Variants in CWC27 observed in about 807,000 individuals in gnomAD.
CWC27 encodes spliceosome-associated protein CWC27 homolog.
In CWC27, 47 loss-of-function variants were observed where a neutral mutation model predicts 63.6. The observed-to-expected ratio is 0.74, with a 90% CI of 0.58 to 0.94. CWC27 has a LOEUF of 0.94. Ranked by LOEUF, CWC27 falls within the 40% of genes least tolerant of loss-of-function variation. The pLI is 0.00. For synonymous variants in CWC27, 175 were observed against 179.8 expected, an observed-to-expected ratio of 0.97 and a Z score of 0.22; for missense variants, 495 against 554.3, an observed-to-expected ratio of 0.89 and a Z score of 1.07.
chr5:64,826,558 C>T (rs1745365556), intron 10 of CWC27, among the ~76,000 whole-genome samples: 1 of 152,110 alleles, frequency 6.6e-6, no homozygotes, highest in East Asian at 1.9e-4. Context: ...TACCTAGAAA[C>T]TTGCAAATTT....
chr5:64,807,403 TCTC>T (rs1561416201), intron 10 of CWC27, among the ~76,000 whole-genome samples: 1 of 152,194 alleles, frequency 6.6e-6, no homozygotes, highest in Non-Finnish European at 1.5e-5. Context: ...AGTAGGATCT[TCTC>T]CTAGTAATGT....
chr5:64,852,522 A>G (rs1053778293), intron 10 of CWC27, among the ~76,000 whole-genome samples: 1 of 150,940 alleles, frequency 6.6e-6, no homozygotes, highest in Non-Finnish European at 1.5e-5. Context: ...CAGAGGCTGG[A>G]GTGCAGCGGC....
chr5:64,988,016 C>A (rs1392263330), intron 13 of CWC27, among the ~76,000 whole-genome samples: 1 of 152,062 alleles, frequency 6.6e-6, no homozygotes, highest in East Asian at 1.9e-4. Context: ...TTATTTTATC[C>A]TCAACACATT....
intron 11 of CWC27, among the ~76,000 whole-genome samples, chr5:64,920,001 G>A (rs1162087191): frequency 6.6e-6 from 1 of 152,188 alleles, no homozygotes; most frequent in African/African-American, 2.4e-5. Flanking sequence ...TTTCCACAGT[G>A]GCCGAACTAA....
At chr5:64,964,298 T>C (rs1213142436) in intron 11 of CWC27, among the ~76,000 whole-genome samples, 2 of 152,226 alleles carry the variant, frequency 1.3e-5, no homozygotes, top group Non-Finnish European at 1.5e-5. Context: ...CAAAATGATA[T>C]GTCTGAGAGG....
At chr5:64,831,898 C>G (rs146186225) in intron 10 of CWC27, among the ~76,000 whole-genome samples, 2,482 of 151,934 alleles carry the variant, frequency 0.016, 35 homozygotes, top group Non-Finnish European at 0.023. Flanking sequence ...TTTATTCACT[C>G]TGTTGTATGT....
At chr5:64,809,515 G>T (rs531711233) in intron 10 of CWC27, among the ~76,000 whole-genome samples, 5 of 152,144 alleles carry the variant, frequency 3.3e-5, no homozygotes, top group Admixed American at 2.0e-4. Flanking sequence ...CTACAGGAGC[G>T]TGCCACCACG....
chr5:64,970,151 T>C (rs939129837), intron 11 of CWC27, among the ~76,000 whole-genome samples: 3 of 152,010 alleles, frequency 2.0e-5, no homozygotes, highest in African/African-American at 7.3e-5. Flanking sequence ...ATCTAACTAC[T>C]GTAGGATAAG....
chr5:64,982,035 G>A (rs1191759169), intron 13 of CWC27, among the ~76,000 whole-genome samples: 1 of 152,196 alleles, frequency 6.6e-6, no homozygotes, highest in Non-Finnish European at 1.5e-5. Context: ...GAGAACCAAG[G>A]TTTGGCTTAA....
At chr5:64,834,711 A>AT (rs1491316968) in intron 10 of CWC27, among the ~76,000 whole-genome samples, 3 of 151,880 alleles carry the variant, frequency 2.0e-5, no homozygotes, top group African/African-American at 7.2e-5. Context: ...CCAAGGACAC[A>AT]TGTGTATTCT....
rs957666371 is a variant in CWC27 at position 64,988,570 on chromosome 5, C to T, written c.1256+11332C>T. Among the ~76,000 whole-genome samples the T allele has an allele frequency of 2.6e-5, 4 of 151,352 alleles. 1 individual carries two copies. Among genetic ancestry groups the T allele is most frequent in the Non-Finnish European group, 4.4e-5 (3 of 67,926 alleles). On this transcript the variant is annotated intron_variant, in intron 13 of 13. Transcript: ENST00000381070. ...GTATCTGTCCCATGTATACGCCACC[C>T]GCTGTCCAGCGTGGGACCTGGCTGT... is the stretch of plus-strand genomic sequence containing the variant.
At chr5:64,966,027 AT>A (rs1749006628) in intron 11 of CWC27, among the ~76,000 whole-genome samples, 1 of 152,182 alleles carries the variant, frequency 6.6e-6, no homozygotes. Context: ...AATGAAATAA[AT>A]TGATACATAC....
chr5:64,830,615 A>AGTG (rs1370304252), intron 10 of CWC27, among the ~76,000 whole-genome samples: 1 of 152,178 alleles, frequency 6.6e-6, no homozygotes, highest in African/African-American at 2.4e-5. Context: ...ACAGCAAAAG[A>AGTG]AACTACCATC....
chr5:64,808,853 C>T (rs529594035), intron 10 of CWC27, among the ~76,000 whole-genome samples: 1 of 152,268 alleles, frequency 6.6e-6, no homozygotes, highest in South Asian at 2.1e-4. Context: ...ATTCGTAGGC[C>T]CCTCACCCAC....
rs138424579 is a variant in CWC27, at chr5:64,918,405, G to C, written c.1042+32859G>C. On this transcript the variant is annotated intron_variant, in intron 11 of 13. Coordinates refer to ENST00000381070, the MANE Select transcript of CWC27 (RefSeq NM_005869.4). ...ATGTATTATATCCTCGAATATTGCT[G>C]AGAGTAGGTTTTAAGTATTCTTGCC... is the stretch of plus-strand genomic sequence containing the variant. Among the ~76,000 whole-genome samples the C allele has an allele frequency of 3.3e-5, 5 of 152,268 alleles. No individual in the cohort carries two copies. The East Asian group carries it at 9.6e-4, about 29-fold the overall frequency.
intron 11 of CWC27, among the ~76,000 whole-genome samples, chr5:64,929,521 GA>G (rs1234012825): frequency 1.3e-5 from 2 of 152,074 alleles, no homozygotes; most frequent in Non-Finnish European, 2.9e-5. Flanking sequence ...AGAATAAAAA[GA>G]TAATGCAATT....
chr5:65,010,786 T>G (rs970081244), intron 13 of CWC27, among the ~76,000 whole-genome samples: 1 of 152,228 alleles, frequency 6.6e-6, no homozygotes, highest in African/African-American at 2.4e-5. Context: ...AAGTTAGTAG[T>G]AGTAGAAATA....
chr5:64,913,114 A>G (rs1455446699), intron 11 of CWC27, among the ~76,000 whole-genome samples: 1 of 152,190 alleles, frequency 6.6e-6, no homozygotes, highest in African/African-American at 2.4e-5. Flanking sequence ...AAATAGATCA[A>G]TGTAATTTAT....
At chr5:64,874,106 T>A (rs1746738221) in intron 10 of CWC27, among the ~76,000 whole-genome samples, 1 of 151,608 alleles carries the variant, frequency 6.6e-6, no homozygotes, top group Non-Finnish European at 1.5e-5. Flanking sequence ...AGATCTGTAT[T>A]CAAGTTCTGA....
Sources: gnomAD v4.1 joint callset for allele counts (sites outside exome capture counted in the v4.1 genomes callset) on GRCh38, gnomAD v4.1.1 for gene constraint, MANE v1.5 for transcripts, NCBI Gene and HGNC (gene_info 2026-07-23, HGNC 2026-07-21) for gene names.